The following ZMYM1 variants were observed in gnomAD, a reference collection of about 807,000 sequenced individuals.
ZMYM1 encodes zinc finger MYM-type protein 1.
A neutral mutation model predicts 60.0 loss-of-function variants in ZMYM1; 39 were observed. The ratio of observed to expected loss-of-function variants is 0.65; its 90% CI spans 0.50 to 0.85. The LOEUF is 0.85. Ranked by LOEUF, ZMYM1 falls within the 40% of genes least tolerant of loss-of-function variation. The pLI, the probability that ZMYM1 is intolerant of heterozygous loss-of-function variation, is 0.00. For synonymous variants in ZMYM1, 413 were observed against 454.0 expected, an observed-to-expected ratio of 0.91 and a Z score of 1.15; for missense variants, 1,171 against 1,309.5, an observed-to-expected ratio of 0.89 and a Z score of 1.63.
chr1:35,110,505 G>T, intron 7 of ZMYM1, 58 bp downstream of exon 7: 2 of 1,228,172 alleles, frequency 1.6e-6, no homozygotes, highest in South Asian at 6.5e-5. Flanking sequence ...AATATTATTT[G>T]ACTTTAATTT....
At chr1:35,071,039 C>A (rs767599199) in intron 1 of ZMYM1, among the ~76,000 whole-genome samples, 8 of 151,944 alleles carry the variant, frequency 5.3e-5, no homozygotes, top group Non-Finnish European at 1.0e-4. Flanking sequence ...TGTGCGCCAC[C>A]ACACCCAGCA....
intron 1 of ZMYM1, among the ~76,000 whole-genome samples, chr1:35,092,101 T>G (rs564354045): frequency 2.0e-4 from 31 of 152,212 alleles, no homozygotes; most frequent in African/African-American, 7.0e-4. Context: ...AATTTTTGTA[T>G]TTTTAGTAGA....
chr1:35,108,745 C>T (rs1643984064), intron 6 of ZMYM1, among the ~76,000 whole-genome samples: 1 of 148,862 alleles, frequency 6.7e-6, no homozygotes, highest in Non-Finnish European at 1.5e-5. Flanking sequence ...TGCTTTTCCA[C>T]CCAGGATGGA....
rs565127030 is a variant in ZMYM1 at position 35,115,428 on chromosome 1, C to G, written c.*169C>G. 5.4e-5 allele frequency: 39 copies of G among 716,216 alleles called. No homozygotes were observed. The East Asian group carries it at 1.0e-3, about 19-fold the overall frequency. 44.4% of individuals were successfully genotyped at this position (716,216 alleles called of 1,614,324 possible). A position where few individuals can be genotyped will look rare whatever the true frequency, so the allele number is the denominator to read the frequency against. ...AAGTGTTATCTTTTCCTTAAATATC[C>G]CTCTAGAGGTATTTTTCCTAAGTGG... is the stretch of plus-strand genomic sequence containing the variant. On this transcript the variant is annotated 3_prime_UTR_variant, in exon 10 of 10. Transcript: ENST00000359858.
chr1:35,076,593 C>T (rs1056749901), upstream of ZMYM1, among the ~76,000 whole-genome samples: 1 of 151,890 alleles, frequency 6.6e-6, no homozygotes, highest in Admixed American at 6.6e-5. Context: ...TGCACTCCAG[C>T]CTGGCAACAA....
intron 4 of ZMYM1, among the ~76,000 whole-genome samples, chr1:35,101,206 T>C (rs1254973829): frequency 6.6e-6 from 1 of 150,974 alleles, no homozygotes; most frequent in Non-Finnish European, 1.5e-5. Flanking sequence ...CCTCCCAGGT[T>C]CAAGCGATTC....
intron 1 of ZMYM1, among the ~76,000 whole-genome samples, chr1:35,064,514 A>G (rs1012222320): frequency 1.3e-5 from 2 of 151,940 alleles, no homozygotes; most frequent in African/African-American, 4.8e-5. Context: ...TCTTTCAAGT[A>G]CATGAGGAAC....
chr1:35,061,003 G>T (rs187162351), intron 1 of ZMYM1, among the ~76,000 whole-genome samples: 1 of 152,230 alleles, frequency 6.6e-6, no homozygotes, highest in Non-Finnish European at 1.5e-5. Flanking sequence ...AGGCTGAACA[G>T]CTCCTCCCCA....
intron 1 of ZMYM1, among the ~76,000 whole-genome samples, chr1:35,065,293 CAAA>C: frequency 7.4e-6 from 1 of 134,874 alleles, no homozygotes. Flanking sequence ...CTTTCGGCAC[CAAA>C]AAAAAAAAAT....
At chr1:35,090,181 C>T (rs1194298796) in intron 1 of ZMYM1, among the ~76,000 whole-genome samples, 1 of 152,058 alleles carries the variant, frequency 6.6e-6, no homozygotes, top group African/African-American at 2.4e-5. Flanking sequence ...GCTGGGATTA[C>T]AGGCGTGAGC....
chr1:35,099,344 C>A (rs1237813247), intron 4 of ZMYM1, among the ~76,000 whole-genome samples: 1 of 152,034 alleles, frequency 6.6e-6, no homozygotes, highest in Non-Finnish European at 1.5e-5. Flanking sequence ...GCTTTCTCTC[C>A]CTGCAGAGTC....
chr1:35,076,594 C>T (rs12086952), upstream of ZMYM1, among the ~76,000 whole-genome samples: 10,151 of 151,794 alleles, frequency 0.067, 1,150 homozygotes, highest in African/African-American at 0.23. Flanking sequence ...GCACTCCAGC[C>T]TGGCAACAAG....
chr1:35,092,264 GCT>G (rs1162101028), intron 1 of ZMYM1, among the ~76,000 whole-genome samples: 1 of 149,976 alleles, frequency 6.7e-6, no homozygotes, highest in African/African-American at 2.5e-5. Flanking sequence ...ACAGAATCTC[GCT>G]CTGTTTCCCA....
chr1:35,081,907 G>A (rs1365135752), intron 1 of ZMYM1, among the ~76,000 whole-genome samples: 2 of 152,064 alleles, frequency 1.3e-5, no homozygotes, highest in Non-Finnish European at 2.9e-5. Flanking sequence ...ATGTTAGGCT[G>A]GTCTTGAACT....
At chr1:35,090,406 G>A (rs1642933389) in intron 1 of ZMYM1, among the ~76,000 whole-genome samples, 1 of 152,152 alleles carries the variant, frequency 6.6e-6, no homozygotes, top group Admixed American at 6.6e-5. Flanking sequence ...CTTGCTGGGA[G>A]GGATAGCATT....
chr1:35,073,751 G>A (rs753791419), intron 1 of ZMYM1, among the ~76,000 whole-genome samples: 20 of 152,114 alleles, frequency 1.3e-4, no homozygotes, highest in Admixed American at 2.6e-4. Flanking sequence ...CCATTTTTTG[G>A]TAGGAACTTC....
chr1:35,112,542 ATATAT>A (rs201937695), intron 9 of ZMYM1, among the ~76,000 whole-genome samples: 8,459 of 126,458 alleles, frequency 0.067, 540 homozygotes, highest in East Asian at 0.39. Context: ...TATAATATAA[ATATAT>A]TATAATATAT....
chr1:35,102,876 G>A (rs1173940939), intron 4 of ZMYM1, among the ~76,000 whole-genome samples: 2 of 152,098 alleles, frequency 1.3e-5, no homozygotes, highest in African/African-American at 2.4e-5. Flanking sequence ...ACTTGGCCAA[G>A]ACAGAATATT....
rs368932688 is a variant in ZMYM1 at position 35,092,700 on chromosome 1, C to G, written c.-74-1214C>G. Among the ~76,000 whole-genome samples, 131 of 151,306 alleles carry G rather than the reference C, an allele frequency of 8.7e-4. 2 individuals carry two copies. In the South Asian group the frequency reaches 0.021, roughly 25 times the overall value. ...TGGAGTGCAATGGCGCGATCTTGGC[C>G]CACTGCAACCTCTGCCTCCCGGGTT... On this transcript the variant is annotated intron_variant, in intron 1 of 9. Coordinates refer to ENST00000359858, the MANE Select transcript of ZMYM1 (RefSeq NM_024772.5).
Sources: allele counts gnomAD v4.1 joint callset (sites outside exome capture counted in the v4.1 genomes callset), GRCh38; gene constraint gnomAD v4.1.1; transcripts MANE v1.5; gene names NCBI Gene and HGNC (gene_info 2026-07-23, HGNC 2026-07-21).